Variants in ARMH1 observed in about 807,000 individuals in gnomAD.
The protein encoded by ARMH1 is armadillo like helical domain containing 1, also known as armadillo-like helical domain containing protein 1.
Under a neutral mutation model 50.2 loss-of-function variants are expected in ARMH1, and 34 were observed. That is an observed-to-expected ratio of 0.68 (90% CI 0.51 to 0.90). The LOEUF is 0.90. Among genes scored for constraint, ARMH1 ranks in the 40% least tolerant of loss-of-function variants. The pLI is 0.00. For missense variants in ARMH1, 538 were observed against 553.9 expected, an observed-to-expected ratio of 0.97 and a Z score of 0.29; for synonymous variants, 221 against 224.2, an observed-to-expected ratio of 0.99 and a Z score of 0.13.
rs189313188 is a variant in ARMH1 at position 44,709,476 on chromosome 1, T to C, written c.724+5303T>C. Among the ~76,000 whole-genome samples, 24 of 152,136 alleles carry C rather than the reference T, an allele frequency of 1.6e-4. 2 individuals carry two copies. In the South Asian group the frequency reaches 2.3e-3, roughly 14 times the overall value. On this transcript the variant is annotated intron_variant, in intron 6 of 11. Transcript: ENST00000535358. The stretch of plus-strand genomic sequence containing the variant: ...TCACGAGGTCAGGAGATCGAGACCA[T>C]CCTGGCTAACACGGTGAAACCCCAT...
At chr1:44,713,223 C>T (rs776584695) in intron 6 of ARMH1, among the ~76,000 whole-genome samples, 28 of 151,700 alleles carry the variant, frequency 1.8e-4, no homozygotes, top group Non-Finnish European at 3.1e-4. Flanking sequence ...CTCAGCCTCC[C>T]GAGTAGCTGG....
At position 44,724,056 on chromosome 1, in the gene ARMH1, G is replaced by T. The variant is rs927011837; in HGVS notation, c.725-66G>T. 6.6e-6 allele frequency: 10 copies of T among 1,520,264 alleles called. No homozygotes were observed. The highest frequency in any genetic ancestry group is 8.8e-6 in the Non-Finnish European group (10 of 1,130,198). The allele number at this position is 1,520,264 out of a possible 1,614,324, so 94.2% of individuals were successfully genotyped here. A position where few individuals can be genotyped will look rare whatever the true frequency, so the allele number is the denominator to read the frequency against. ...TGACGAGTGGCGACTTGGTTCACGG[G>T]GTTCTTTGCTTCCTCGGTGGCGGAG... is the stretch of plus-strand genomic sequence containing the variant. On this transcript the variant is annotated intron_variant, in intron 6 of 11. Coordinates refer to ENST00000535358, the MANE Select transcript of ARMH1 (RefSeq NM_001145636.2). The surrounding 1 kb of genome is among the most constrained non-coding windows in gnomAD (Gnocchi z 6.4).
rs572251029 is a variant in ARMH1 at position 44,683,268 on chromosome 1, G to A, written c.-22-6408G>A. 5.9e-5 allele frequency among the ~76,000 whole-genome samples: 9 copies of A among 152,300 alleles called. No homozygotes were observed. Among genetic ancestry groups the A allele is most frequent in the Admixed American group, 2.6e-4 (4 of 15,300 alleles). ...GTGTGAGTTGATGAGTTCAGTTTGG[G>A]ACCTGTTGACTTGAGGAGCCTGTGA... On this transcript the variant is annotated intron_variant, in intron 1 of 11. Transcript: ENST00000535358. The surrounding 1 kb of genome is among the most constrained non-coding windows in gnomAD (Gnocchi z 4.2).
chr1:44,682,207 G>C lies in ARMH1; in HGVS notation c.-23+7334G>C, dbSNP rs1170429772. Among the ~76,000 whole-genome samples the C allele has an allele frequency of 1.3e-5, 2 of 152,198 alleles. No individual in the cohort carries two copies. Among genetic ancestry groups the C allele is most frequent in the Non-Finnish European group, 2.9e-5 (2 of 68,038 alleles). On this transcript the variant is annotated intron_variant, in intron 1 of 11. Coordinates refer to ENST00000535358, the MANE Select transcript of ARMH1 (RefSeq NM_001145636.2). This position sits in a 1 kb window ranked among gnomAD's most constrained non-coding sequence, Gnocchi z 4.5. ...TAAATAACACTTATTGAGTGCCTGT[G>C]TTTTACCAGAGACCCTGCTAGCCAC...
intron 1 of ARMH1, among the ~76,000 whole-genome samples, chr1:44,687,251 C>G (rs1645502766): frequency 6.6e-6 from 1 of 152,200 alleles, no homozygotes; most frequent in South Asian, 2.1e-4. Flanking sequence ...CTGTGTATGT[C>G]TGTATCCTAG....
intron 6 of ARMH1, chr1:44,721,913 C>G (rs192837594): frequency 6.6e-6 from 1 of 152,186 alleles, no homozygotes; most frequent in African/African-American, 2.4e-5. Flanking sequence ...TGCCTGTTAG[C>G]CTTTTGCCTG....
rs1645336401 is a variant in ARMH1 at position 44,682,275 on chromosome 1, G to GT, written c.-22-7400dup. 6.6e-6 allele frequency among the ~76,000 whole-genome samples: 1 copy of GT among 152,230 alleles called. No homozygotes were observed. The highest frequency in any genetic ancestry group is 2.1e-4 in the South Asian group (1 of 4,834). ...AGCACACTGATGTTGAAATTGCCTA[G>GT]TGGCTCTTGAGTAAACAGGAAGGCT... On this transcript the variant is annotated intron_variant, in intron 1 of 11. Coordinates refer to ENST00000535358, the MANE Select transcript of ARMH1 (RefSeq NM_001145636.2). The surrounding 1 kb of genome is among the most constrained non-coding windows in gnomAD (Gnocchi z 4.5).
chr1:44,702,707 T>A (rs1646140057), intron 5 of ARMH1, among the ~76,000 whole-genome samples: 1 of 70,930 alleles, frequency 1.4e-5, no homozygotes. Context: ...CGAGACTCCA[T>A]CTCAAAAAAA....
Position 44,682,286 on chromosome 1 carries a change from G to A in ARMH1, c.-22-7390G>A, listed in dbSNP as rs1645336950. 6.6e-6 allele frequency among the ~76,000 whole-genome samples: 1 copy of A among 152,222 alleles called. No homozygotes were observed. Among genetic ancestry groups the A allele is most frequent in the Non-Finnish European group, 1.5e-5 (1 of 68,036 alleles). ...GTTGAAATTGCCTAGTGGCTCTTGA[G>A]TAAACAGGAAGGCTTACGTGTCAAA... On this transcript the variant is annotated intron_variant, in intron 1 of 11. Coordinates refer to ENST00000535358, the MANE Select transcript of ARMH1 (RefSeq NM_001145636.2). The surrounding 1 kb of genome is among the most constrained non-coding windows in gnomAD (Gnocchi z 4.5).
At chr1:44,689,981 A>G in intron 2 of ARMH1, 78 bp downstream of exon 2, 1 of 1,306,354 alleles carries the variant, frequency 7.7e-7, no homozygotes, top group Non-Finnish European at 1.1e-6. Flanking sequence ...GCACTTTGGG[A>G]GGCCAAGGTG....
chr1:44,723,135 T>C (rs1294670246), intron 6 of ARMH1, among the ~76,000 whole-genome samples: 1 of 151,720 alleles, frequency 6.6e-6, no homozygotes, highest in African/African-American at 2.4e-5. Flanking sequence ...CTCCTTCTCC[T>C]CCTGCCCCCT....
intron 6 of ARMH1, among the ~76,000 whole-genome samples, chr1:44,710,633 A>G (rs916767994): frequency 6.6e-6 from 1 of 150,722 alleles, no homozygotes; most frequent in African/African-American, 2.4e-5. Context: ...AAAAAAAGAA[A>G]AGAAATTAAT....
chr1:44,714,483 G>A (rs1037405280), intron 6 of ARMH1, among the ~76,000 whole-genome samples: 2 of 152,040 alleles, frequency 1.3e-5, no homozygotes, highest in African/African-American at 4.8e-5. Flanking sequence ...TACTTGGGAG[G>A]CTGAGGCAGG....
intron 6 of ARMH1, among the ~76,000 whole-genome samples, chr1:44,709,505 T>A (rs1017774956): frequency 6.6e-6 from 1 of 152,054 alleles, no homozygotes. Flanking sequence ...ACCCCATCTC[T>A]ACTAAAAATA....
chr1:44,680,577 G>T (rs1645275152), intron 1 of ARMH1, among the ~76,000 whole-genome samples: 1 of 152,202 alleles, frequency 6.6e-6, no homozygotes, highest in South Asian at 2.1e-4. Context: ...CAAGTAGGAA[G>T]GGTAGAAGCT....
chr1:44,679,440 A>G (rs1216824674), intron 1 of ARMH1, among the ~76,000 whole-genome samples: 4 of 152,228 alleles, frequency 2.6e-5, no homozygotes, highest in African/African-American at 7.2e-5. Flanking sequence ...TGATCATTAG[A>G]GTCTCTGGTT....
rs1646057336 is a variant in ARMH1, at chr1:44,700,992, T to C, written c.512T>C (p.Leu171Pro). 3.9e-6 allele frequency: 6 copies of C among 1,551,606 alleles called. No homozygotes were observed. The highest frequency in any genetic ancestry group is 5.2e-6 in the Non-Finnish European group (6 of 1,147,016). The change falls in exon 5 of 12, where the codon CTG becomes CCG. Residue 171 changes from leucine (L) to proline (P), a missense_variant. Physicochemically the swap from Leu to Pro is moderately conservative, Grantham distance 98 (BLOSUM62 -3). Coordinates refer to ENST00000535358, the MANE Select transcript of ARMH1 (RefSeq NM_001145636.2). ...GAGACCCAGGAGGAAGTGCAGGTTCTGTTGGATTCTTTGGTCCACGGCAAT... is the reference window on the plus strand; with the variant it reads ...GAGACCCAGGAGGAAGTGCAGGTTCCGTTGGATTCTTTGGTCCACGGCAAT... ...SEETQEEVQV[L>P]LDSLVHGNPK...
intron 6 of ARMH1, among the ~76,000 whole-genome samples, chr1:44,709,421 C>G (rs972290550): frequency 8.5e-5 from 13 of 152,162 alleles, no homozygotes; most frequent in Non-Finnish European, 1.5e-4. Flanking sequence ...GCCTTTAATC[C>G]CAGCACTTTG....
At chr1:44,710,535 G>A (rs1378727162) in intron 6 of ARMH1, among the ~76,000 whole-genome samples, 1 of 149,106 alleles carries the variant, frequency 6.7e-6, no homozygotes, top group Non-Finnish European at 1.5e-5. Context: ...CGTGAACCCA[G>A]GAGGTGGAGC....
Sources: allele counts gnomAD v4.1 joint callset (sites outside exome capture counted in the v4.1 genomes callset), GRCh38; gene constraint gnomAD v4.1.1; non-coding constraint Gnocchi (gnomAD v3.1); transcripts MANE v1.5; gene names NCBI Gene and HGNC (gene_info 2026-07-23, HGNC 2026-07-21).